PRIM2: variants seen among roughly 807,000 people sequenced by gnomAD.
The protein encoded by PRIM2 is DNA primase subunit 2.
A neutral mutation model predicts 67.3 loss-of-function variants in PRIM2; 39 were observed. That is an observed-to-expected ratio of 0.58 (90% CI 0.45 to 0.76). The LOEUF is 0.76. PRIM2 is among the 30% of genes least tolerant of loss of function. The pLI is 0.00. For synonymous variants in PRIM2, 143 were observed against 198.7 expected (o/e 0.72, Z 2.36); for missense variants, 398 against 598.7 (o/e 0.66, Z 3.50).
At chr6:57,519,267 G>A (rs1460300706) in intron 8 of PRIM2, among the ~76,000 whole-genome samples, 3 of 152,164 alleles carry the variant, frequency 2.0e-5, no homozygotes, top group African/African-American at 7.2e-5. Context: ...ATCAGGAGAC[G>A]GGTTTTTGAG....
the PRIM2 span, among the ~76,000 whole-genome samples, chr6:57,248,924 T>G: frequency 6.6e-6 from 1 of 152,240 alleles, no homozygotes; most frequent in Non-Finnish European, 1.5e-5. Context: ...CTTAATGTAT[T>G]ACTTCAAAAT....
At chr6:57,350,144 A>AT (rs1423839849) in intron 5 of PRIM2, among the ~76,000 whole-genome samples, 2 of 152,128 alleles carry the variant, frequency 1.3e-5, no homozygotes, top group East Asian at 1.9e-4. Flanking sequence ...CTGTTTACAG[A>AT]TTTTTTGGTG....
intron 5 of PRIM2, among the ~76,000 whole-genome samples, chr6:57,347,797 A>G (rs1167456937): frequency 6.6e-6 from 1 of 152,232 alleles, no homozygotes; most frequent in Non-Finnish European, 1.5e-5. Flanking sequence ...TGAAGCTCAG[A>G]CAGGTTAAGT....
the PRIM2 span, among the ~76,000 whole-genome samples, chr6:57,299,032 G>A: frequency 2.8e-4 from 42 of 151,916 alleles, no homozygotes; most frequent in Non-Finnish European, 5.4e-4. Context: ...TACTGTGGAC[G>A]ATTCTCTCTG....
In PRIM2 at chr6:57,517,703, A is replaced by G. The variant is rs1308883061; in HGVS notation, c.761+10249A>G. The stretch of plus-strand genomic sequence containing the variant: ...AATCTGAGGTAGCCCTGGAAAAGCT[A>G]TATGTATGGAGCTGTTATAAGCAAT... On this transcript the variant is annotated intron_variant, in intron 8 of 13. Coordinates refer to ENST00000615550, the MANE Select transcript of PRIM2 (RefSeq NM_000947.5). Among the ~76,000 whole-genome samples the G allele has an allele frequency of 9.2e-4, 140 of 152,262 alleles. 1 individual carries two copies. The highest frequency in any genetic ancestry group is 3.2e-3 in the African/African-American group (132 of 41,532).
chr6:57,545,490 G>T (rs1775271040), intron 10 of PRIM2, among the ~76,000 whole-genome samples: 1 of 152,124 alleles, frequency 6.6e-6, no homozygotes, highest in Non-Finnish European at 1.5e-5. Flanking sequence ...GAGTGCAGTG[G>T]CGTGATCTCA....
intron 2 of PRIM2, 72 bp downstream of exon 2, chr6:57,318,671 G>A: frequency 2.4e-6 from 3 of 1,227,696 alleles, no homozygotes; most frequent in Non-Finnish European, 3.5e-6. Flanking sequence ...ATGAATGAAG[G>A]TAATTCATTT....
rs1773330119 is a variant in PRIM2 at position 57,471,222 on chromosome 6, C to G, written c.694-36165C>G. Among the ~76,000 whole-genome samples, 3 of 152,038 alleles carry G rather than the reference C, an allele frequency of 2.0e-5. No individual in the cohort carries two copies. The South Asian group carries it at 6.2e-4, about 32-fold the overall frequency. The stretch of plus-strand genomic sequence containing the variant: ...GTGGTATGGGCATGTGGAAGAGATA[C>G]TAGCACAAGGCACTAAACAAATAGA... On this transcript the variant is annotated intron_variant, in intron 7 of 13. Transcript: ENST00000615550.
At chr6:57,333,408 T>C (rs1201348374) in intron 5 of PRIM2, among the ~76,000 whole-genome samples, 2 of 152,206 alleles carry the variant, frequency 1.3e-5, no homozygotes, top group African/African-American at 2.4e-5. Flanking sequence ...TCATTTTGAC[T>C]TCTTATTCTT....
At chr6:57,338,128 G>C (rs912438505) in intron 5 of PRIM2, among the ~76,000 whole-genome samples, 1 of 151,680 alleles carries the variant, frequency 6.6e-6, no homozygotes, top group African/African-American at 2.4e-5. Context: ...TAAATTCCTC[G>C]ACACATACAC....
At chr6:57,541,397 C>T (rs1223915434) in intron 10 of PRIM2, among the ~76,000 whole-genome samples, 1 of 151,994 alleles carries the variant, frequency 6.6e-6, no homozygotes, top group African/African-American at 2.4e-5. Context: ...CCTATTATGA[C>T]TTTCTTAATT....
At chr6:57,324,108 T>C (rs894075685) in intron 3 of PRIM2, 93 bp from the exon 4 acceptor site, 7 of 684,966 alleles carry the variant, frequency 1.0e-5, no homozygotes, top group Non-Finnish European at 1.8e-5. Flanking sequence ...TTTTTGAAAC[T>C]TACTTTACCA....
rs1464860250 is a variant in PRIM2, at chr6:57,320,632, GATATT to G, written c.258+79_258+83del. ...TGTATTGAGTGTCACTTGTGGGAAA[GATATT>G]ATATTAGGCACTGGGCTTTTATAAA... On this transcript the variant is annotated intron_variant, in intron 3 of 13. Transcript: ENST00000615550. The G allele has an allele frequency of 4.2e-6, 4 of 950,694 alleles. No homozygotes were observed. The African/African-American group carries it at 5.0e-5, about 12-fold the overall frequency. The allele number at this position is 950,694 out of a possible 1,614,324, so 58.9% of individuals were successfully genotyped here.
At chr6:57,514,860 C>A (rs1554348075) in intron 8 of PRIM2, among the ~76,000 whole-genome samples, 13 of 152,134 alleles carry the variant, frequency 8.5e-5, no homozygotes, top group South Asian at 2.1e-4. Context: ...ACAGTACCCC[C>A]CTCCCCACCC....
chr6:57,265,617 G>A, the PRIM2 span, among the ~76,000 whole-genome samples: 1 of 152,310 alleles, frequency 6.6e-6, no homozygotes, highest in South Asian at 2.1e-4. Flanking sequence ...TTTGATTTGT[G>A]TGTTTTAGTT....
At chr6:57,400,154 C>G (rs1770656913) in intron 7 of PRIM2, among the ~76,000 whole-genome samples, 1 of 152,278 alleles carries the variant, frequency 6.6e-6, no homozygotes, top group South Asian at 2.1e-4. Context: ...GTGTTGTTAG[C>G]TGGTTATTCT....
chr6:57,489,823 G>A (rs1773849201), intron 7 of PRIM2, among the ~76,000 whole-genome samples: 1 of 152,224 alleles, frequency 6.6e-6, no homozygotes, highest in African/African-American at 2.4e-5. Flanking sequence ...AAAATTATAG[G>A]GGTGACTGAG....
At chr6:57,227,961 TC>T in the PRIM2 span, among the ~76,000 whole-genome samples, 1 of 152,230 alleles carries the variant, frequency 6.6e-6, no homozygotes, top group Non-Finnish European at 1.5e-5. Context: ...TTAAATATAA[TC>T]TTTTCAACAT....
chr6:57,313,887 G>A (rs1381540606), upstream of PRIM2, among the ~76,000 whole-genome samples: 1 of 152,222 alleles, frequency 6.6e-6, no homozygotes, highest in African/African-American at 2.4e-5. Context: ...ATTCTCAGCT[G>A]TAAGTGTGAC....
Sources: allele counts gnomAD v4.1 joint callset (sites outside exome capture counted in the v4.1 genomes callset), GRCh38; gene constraint gnomAD v4.1.1; transcripts MANE v1.5; gene names NCBI Gene and HGNC (gene_info 2026-07-23, HGNC 2026-07-21).